Variants in CFAP44 observed in about 807,000 individuals in gnomAD.
CFAP44 encodes cilia and flagella associated protein 44.
CFAP44 carries 134 observed loss-of-function variants against 216.2 expected under a neutral mutation model. The observed-to-expected ratio is 0.62, with a 90% CI of 0.54 to 0.72. The LOEUF is 0.72. CFAP44 is among the 30% of genes least tolerant of loss of function. CFAP44 has a pLI of 0.00. For missense variants in CFAP44, 2,035 were observed against 2,182.1 expected (o/e 0.93, Z 1.34); for synonymous variants, 700 against 727.6 (o/e 0.96, Z 0.61).
chr3:113,435,355 A>G (rs2220305), intron 1 of CFAP44, among the ~76,000 whole-genome samples: 88,699 of 151,666 alleles, frequency 0.58, 26,094 homozygotes, highest in Middle Eastern at 0.65. Context: ...TCACATGGTG[A>G]CAGCAAGGAG....
At chr3:113,344,370 T>C (rs1481929903) in intron 23 of CFAP44, 146 bp downstream of exon 23, 1 of 698,114 alleles carries the variant, frequency 1.4e-6, no homozygotes, top group Non-Finnish European at 2.4e-6. Context: ...CTTGATTATT[T>C]ACTCCAAAGA....
chr3:113,344,453 C>T, intron 23 of CFAP44, 63 bp downstream of exon 23: 2 of 1,414,678 alleles, frequency 1.4e-6, no homozygotes, highest in Non-Finnish European at 1.9e-6. Flanking sequence ...GTTCTGTCCA[C>T]AGACAATTCA....
intron 22 of CFAP44, among the ~76,000 whole-genome samples, chr3:113,352,461 A>G (rs1482725526): frequency 1.3e-5 from 2 of 152,230 alleles, no homozygotes; most frequent in Non-Finnish European, 2.9e-5. Flanking sequence ...AGTCAGCAAG[A>G]CCAAGAACCC....
intron 17 of CFAP44, 69 bp downstream of exon 17, chr3:113,379,237 A>C: frequency 8.8e-7 from 1 of 1,135,230 alleles, no homozygotes; most frequent in Non-Finnish European, 1.2e-6. Context: ...GTAAGAAAGA[A>C]TGAAGTTACA....
At chr3:113,338,339 T>A (rs1377022370) in intron 24 of CFAP44, among the ~76,000 whole-genome samples, 2 of 148,308 alleles carry the variant, frequency 1.3e-5, no homozygotes, top group African/African-American at 5.0e-5. Context: ...CAGAAAATAT[T>A]TGTAAACTAT....
At chr3:113,434,643 A>G (rs1310587930) in intron 1 of CFAP44, 1 of 152,166 alleles carries the variant, frequency 6.6e-6, no homozygotes, top group Non-Finnish European at 1.5e-5. Context: ...TTTCCTCAAC[A>G]TTCTTCTACG....
At chr3:113,297,061 T>C (rs181057895) in intron 32 of CFAP44, among the ~76,000 whole-genome samples, 176 bp from the exon 33 acceptor site, 1 of 152,354 alleles carries the variant, frequency 6.6e-6, no homozygotes, top group East Asian at 1.9e-4. Flanking sequence ...AAAATGCCCA[T>C]TCGGTATTGT....
At chr3:113,376,798 G>C (rs1404357253) in intron 17 of CFAP44, among the ~76,000 whole-genome samples, 2 of 152,150 alleles carry the variant, frequency 1.3e-5, no homozygotes, top group African/African-American at 4.8e-5. Flanking sequence ...AAAGGAAAGA[G>C]AGGTTCAGGA....
intron 18 of CFAP44, among the ~76,000 whole-genome samples, chr3:113,367,958 G>A (rs1428155049): frequency 6.6e-6 from 1 of 152,138 alleles, no homozygotes; most frequent in Admixed American, 6.6e-5. Flanking sequence ...AGCTTCAATA[G>A]CTGATTCAAT....
intron 9 of CFAP44, among the ~76,000 whole-genome samples, chr3:113,403,317 G>A (rs1934190838): frequency 6.6e-6 from 1 of 152,216 alleles, no homozygotes; most frequent in Admixed American, 6.5e-5. Context: ...GGACTTAGAT[G>A]CTGGAGCAAT....
At chr3:113,370,657 T>C (rs1289770112) in intron 18 of CFAP44, among the ~76,000 whole-genome samples, 1 of 152,212 alleles carries the variant, frequency 6.6e-6, no homozygotes, top group Non-Finnish European at 1.5e-5. Context: ...CATTTCCTTT[T>C]GAAAACTGGC....
chr3:113,428,576 A>G (rs1409471334), intron 2 of CFAP44, among the ~76,000 whole-genome samples: 2 of 152,348 alleles, frequency 1.3e-5, no homozygotes, highest in Non-Finnish European at 2.9e-5. Context: ...ATAAATCAGT[A>G]TTTGCCTTTC....
chr3:113,360,572 T>C lies in CFAP44; in HGVS notation c.2935-1697A>G, dbSNP rs1217955722. On this transcript the variant is annotated intron_variant, in intron 21 of 34. Transcript: ENST00000393845. ...CTGTCCAGATTCTTACTCTGTATGA[T>C]AGTATTAATGTTATCGATGTAAAAA... 11 of 190,390 alleles carry C rather than the reference T, an allele frequency of 5.8e-5. No homozygotes were observed. The South Asian group carries it at 1.2e-3, about 20-fold the overall frequency. 11.8% of individuals were successfully genotyped at this position (190,390 alleles called of 1,614,324 possible). A position where few individuals can be genotyped will look rare whatever the true frequency, so the allele number is the denominator to read the frequency against.
intron 19 of CFAP44, among the ~76,000 whole-genome samples, chr3:113,363,998 C>A (rs1341801870): frequency 6.6e-6 from 1 of 152,026 alleles, no homozygotes; most frequent in East Asian, 1.9e-4. Flanking sequence ...TTTTATATCA[C>A]CTTCTCAAAG....
At chr3:113,409,073 T>C (rs1011121674) in intron 7 of CFAP44, 33 bp downstream of exon 7, 17 of 1,409,418 alleles carry the variant, frequency 1.2e-5, no homozygotes, top group Non-Finnish European at 1.2e-5. Context: ...TCCTGTGATA[T>C]CTACTGGCAC....
intron 28 of CFAP44, among the ~76,000 whole-genome samples, chr3:113,315,514 G>C (rs1260113622): frequency 6.6e-6 from 1 of 152,090 alleles, no homozygotes; most frequent in African/African-American, 2.4e-5. Context: ...CTAAACATTT[G>C]ATAGAACAAC....
chr3:113,341,327 C>T (rs2107819360), intron 24 of CFAP44, among the ~76,000 whole-genome samples: 1 of 152,100 alleles, frequency 6.6e-6, no homozygotes, highest in African/African-American at 2.4e-5. Flanking sequence ...CCCTTCCCAG[C>T]ACTCCCATAT....
Position 113,381,094 on chromosome 3 carries a change from G to C in CFAP44, c.1891-34C>G, listed in dbSNP as rs769237393. On this transcript the variant is annotated intron_variant, in intron 15 of 34. Transcript: ENST00000393845. ...GAAAAATTGAACATATTTACATTTAGGCAAATTTTTAAAAGCATAGTTTAA... is the reference window on the plus strand; with the variant it reads ...GAAAAATTGAACATATTTACATTTACGCAAATTTTTAAAAGCATAGTTTAA... 2.0e-6 allele frequency: 3 copies of C among 1,475,400 alleles called. No individual in the cohort carries two copies. In the East Asian group the frequency reaches 7.1e-5, roughly 35 times the overall value. 91.4% of individuals were successfully genotyped at this position (1,475,400 alleles called of 1,614,324 possible). A position where few individuals can be genotyped will look rare whatever the true frequency, so the allele number is the denominator to read the frequency against.
rs1458926713 is a variant in CFAP44 at position 113,400,635 on chromosome 3, G to A, written c.1384C>T (p.Pro462Ser). The change falls in exon 12 of 35, where the codon CCA (proline) becomes TCA (serine). Residue 462 changes from proline to serine, a missense_variant. Pro to Ser is a moderately conservative substitution (Grantham distance 74). This residue lies in a region of CFAP44 where 1,883 missense variants were observed against 2,023.7 expected (regional missense o/e 0.93). Coordinates refer to ENST00000393845, the MANE Select transcript of CFAP44 (RefSeq NM_001164496.2). ...DLSFSNITQD[P>S]ECLFSFHSGA... ...GAATGGAAGGAGAAGAGGCATTCTG[G>A]GTCCTGGGTCTGAGAATAGATAGAC... 6.2e-7 allele frequency: 1 copy of A among 1,609,734 alleles called. No homozygotes were observed.
Sources: gnomAD v4.1 joint callset for allele counts (sites outside exome capture counted in the v4.1 genomes callset) on GRCh38, gnomAD v4.1.1 for gene constraint, gnomAD v4.1.1 regional missense constraint, MANE v1.5 for transcripts, NCBI Gene and HGNC (gene_info 2026-07-23, HGNC 2026-07-21) for gene names.